TMEM98: variants seen among roughly 807,000 people sequenced by gnomAD.
TMEM98 encodes transmembrane protein 98.
TMEM98 carries 18 observed loss-of-function variants against 25.0 expected under a neutral mutation model. The ratio of observed to expected loss-of-function variants is 0.72; its 90% confidence interval spans 0.50 to 1.07. The LOEUF (loss-of-function observed/expected upper bound fraction) is 1.07. Among genes scored for constraint, TMEM98 ranks in the 50% least tolerant of loss-of-function variants. The probability of loss-of-function intolerance (pLI) is 0.00; values close to 1 mark genes in which losing one functional copy is unlikely to be tolerated. For synonymous variants in TMEM98, 103 were observed against 112.4 expected (o/e 0.92, Z 0.53); for missense variants, 241 against 289.0 (o/e 0.83, Z 1.20).
rs554852021 is a variant in TMEM98, at chr17:32,943,156, G to T, written c.*2163G>T. On this transcript the variant is annotated 3_prime_UTR_variant, in exon 8 of 8. Transcript: ENST00000579849. Reference sequence around the variant, plus strand: ...GCTGCCCTTTCTGTTGTGAGGAGAGGTTGCCGAAGATATTGGAGGTGTCTG... The same window carrying T: ...GCTGCCCTTTCTGTTGTGAGGAGAGTTTGCCGAAGATATTGGAGGTGTCTG... 2.0e-5 allele frequency: 3 copies of T among 152,418 alleles called. No individual in the cohort carries two copies. The highest frequency in any genetic ancestry group is 4.2e-4 in the South Asian group (2 of 4,814). 9.4% of individuals were successfully genotyped at this position (152,418 alleles called of 1,614,324 possible). A position where few individuals can be genotyped will look rare whatever the true frequency, so the allele number is the denominator to read the frequency against.
intron 4 of TMEM98, among the ~76,000 whole-genome samples, chr17:32,933,910 G>A (rs1370010882): frequency 6.6e-6 from 1 of 152,228 alleles, no homozygotes; most frequent in African/African-American, 2.4e-5. Flanking sequence ...TGGATCTCAT[G>A]GAAGATATCA....
rs2091483910 is a variant in TMEM98 at position 32,934,200 on chromosome 17, C to G, written c.264-91C>G. 2.8e-5 allele frequency: 41 copies of G among 1,450,196 alleles called. No homozygotes were observed. The South Asian group carries it at 4.6e-4, about 16-fold the overall frequency. 89.8% of individuals were successfully genotyped at this position (1,450,196 alleles called of 1,614,324 possible). A position where few individuals can be genotyped will look rare whatever the true frequency, so the allele number is the denominator to read the frequency against. On this transcript the variant is annotated intron_variant, in intron 4 of 7. Transcript: ENST00000579849. ...AGTGGTTGGTATTGGGCTGTGCCCA[C>G]CGGTCAGGGCAAGTTGAGAAGCAAG...
intron 1 of TMEM98, among the ~76,000 whole-genome samples, chr17:32,928,568 A>G (rs754030189): frequency 1.3e-5 from 2 of 151,904 alleles, no homozygotes; most frequent in Non-Finnish European, 2.9e-5. Context: ...GGGGAAAGTA[A>G]GGGAGAGAGA....
intron 6 of TMEM98, among the ~76,000 whole-genome samples, chr17:32,937,301 C>T (rs1420565444): frequency 6.6e-6 from 1 of 152,200 alleles, no homozygotes; most frequent in African/African-American, 2.4e-5. Flanking sequence ...AGGAACCAGC[C>T]CTTTCTCTGC....
At chr17:32,940,316 G>C (rs2091522030) in intron 7 of TMEM98, among the ~76,000 whole-genome samples, 1 of 151,172 alleles carries the variant, frequency 6.6e-6, no homozygotes, top group African/African-American at 2.4e-5. Flanking sequence ...TTTTTGAGTT[G>C]GATAAACCAG....
chr17:32,936,067 A>G (rs559188393), intron 5 of TMEM98, among the ~76,000 whole-genome samples: 27 of 152,232 alleles, frequency 1.8e-4, no homozygotes, highest in Non-Finnish European at 3.1e-4. Context: ...ATTTTTCTTA[A>G]GACAGATTAT....
rs2091485405 is a variant in TMEM98, at chr17:32,934,429, G to A, written c.297+105G>A. The A allele has an allele frequency of 3.8e-6, 5 of 1,316,500 alleles. No homozygotes were observed. The East Asian group carries it at 1.2e-4, about 31-fold the overall frequency. 81.6% of individuals were successfully genotyped at this position (1,316,500 alleles called of 1,614,324 possible). A position where few individuals can be genotyped will look rare whatever the true frequency, so the allele number is the denominator to read the frequency against. On this transcript the variant is annotated intron_variant, in intron 5 of 7. Transcript: ENST00000579849. ...TAGAAAGGGCACTGACCTCTCGCAAGAGGCCTTTCCTTAACTTGACACTTG... is the reference window on the plus strand; with the variant it reads ...TAGAAAGGGCACTGACCTCTCGCAAAAGGCCTTTCCTTAACTTGACACTTG...
intron 1 of TMEM98, 90 bp from the exon 2 acceptor site, chr17:32,931,237 A>AGAAAAC (rs2091467214): frequency 3.2e-6 from 1 of 313,110 alleles, no homozygotes; most frequent in African/African-American, 2.2e-5. Context: ...AACAAACAAA[A>AGAAAAC]AATTTTAGTC....
chr17:32,929,444 G>C (rs1052659193), intron 1 of TMEM98, among the ~76,000 whole-genome samples: 2 of 152,114 alleles, frequency 1.3e-5, no homozygotes, highest in Admixed American at 1.3e-4. Context: ...AGCGGGAGAC[G>C]GGAGCAGCAG....
intron 1 of TMEM98, among the ~76,000 whole-genome samples, chr17:32,929,747 G>GC (rs1475654498): frequency 6.6e-6 from 1 of 152,090 alleles, no homozygotes; most frequent in Non-Finnish European, 1.5e-5. Context: ...TTTAAGCCAG[G>GC]CATGTCCCAA....
At chr17:32,931,752 C>A in intron 3 of TMEM98, 93 bp downstream of exon 3, 1 of 1,479,874 alleles carries the variant, frequency 6.8e-7, no homozygotes, top group East Asian at 2.4e-5. Flanking sequence ...AACTCTAACT[C>A]AGCTTTTTGG....
intron 3 of TMEM98, 88 bp downstream of exon 3, chr17:32,931,747 T>G: frequency 2.7e-6 from 4 of 1,488,262 alleles, no homozygotes; most frequent in East Asian, 2.4e-5. Context: ...TGGGCAACTC[T>G]AACTCAGCTT....
chr17:32,938,639 G>A (rs1281198486), intron 6 of TMEM98, among the ~76,000 whole-genome samples: 1 of 152,134 alleles, frequency 6.6e-6, no homozygotes, highest in African/African-American at 2.4e-5. Flanking sequence ...TTCTTTTTCG[G>A]TGTCTTACAT....
chr17:32,939,350 T>G, intron 6 of TMEM98, 127 bp from the exon 7 acceptor site: 2 of 883,726 alleles, frequency 2.3e-6, no homozygotes, highest in Non-Finnish European at 3.5e-6. Context: ...GATGTTGCAG[T>G]GAGCTGAGAT....
At chr17:32,930,111 C>G (rs1018878846) in intron 1 of TMEM98, among the ~76,000 whole-genome samples, 2 of 151,644 alleles carry the variant, frequency 1.3e-5, no homozygotes, top group African/African-American at 4.8e-5. Context: ...TCCTGGTATT[C>G]TAAGGACTCC....
chr17:32,937,587 T>G (rs2091503452), intron 6 of TMEM98, among the ~76,000 whole-genome samples: 1 of 151,934 alleles, frequency 6.6e-6, no homozygotes, highest in Non-Finnish European at 1.5e-5. Flanking sequence ...TTCCCCATTA[T>G]TTTATTTATT....
At chr17:32,934,375 C>T (rs1389934836) in intron 5 of TMEM98, 51 bp downstream of exon 5, 2 of 1,602,460 alleles carry the variant, frequency 1.2e-6, no homozygotes, top group Non-Finnish European at 1.7e-6. Flanking sequence ...AAAAGCACCA[C>T]TGTGCGTGGA....
intron 5 of TMEM98, among the ~76,000 whole-genome samples, chr17:32,935,423 GT>G (rs2091491107): frequency 6.6e-6 from 1 of 152,214 alleles, no homozygotes; most frequent in African/African-American, 2.4e-5. Context: ...GGCACCTGTG[GT>G]GTGAGATGAA....
intron 1 of TMEM98, 120 bp from the exon 2 acceptor site, chr17:32,931,207 A>C (rs937835546): frequency 7.3e-5 from 18 of 246,910 alleles, no homozygotes; most frequent in South Asian, 7.1e-4. Flanking sequence ...CCATCTTAAA[A>C]AAACAAACAA....
Sources: gnomAD v4.1 joint callset for allele counts (sites outside exome capture counted in the v4.1 genomes callset) on GRCh38, gnomAD v4.1.1 for gene constraint, MANE v1.5 for transcripts, NCBI Gene and HGNC (gene_info 2026-07-23, HGNC 2026-07-21) for gene names.